Variants in EFCAB6 observed in about 807,000 individuals in gnomAD.
EFCAB6 encodes EF-hand calcium binding domain 6, also known as EF-hand calcium-binding domain-containing protein 6.
EFCAB6 carries 156 observed loss-of-function variants against 169.8 expected under a neutral mutation model. The observed-to-expected ratio is 0.92, with a 90% CI of 0.81 to 1.05. The LOEUF (loss-of-function observed/expected upper bound fraction) is 1.05. EFCAB6 is among the 50% of genes least tolerant of loss of function. The probability of loss-of-function intolerance (pLI) is 0.00; values close to 1 mark genes in which losing one functional copy is unlikely to be tolerated. For synonymous variants in EFCAB6, 698 were observed against 676.4 expected, an observed-to-expected ratio of 1.03 and a Z score of -0.50; for missense variants, 1,800 against 1,829.1, an observed-to-expected ratio of 0.98 and a Z score of 0.29.
chr22:43,621,459 C>A (rs1168038041), intron 20 of EFCAB6, among the ~76,000 whole-genome samples: 1 of 151,872 alleles, frequency 6.6e-6, no homozygotes, highest in Non-Finnish European at 1.5e-5. Flanking sequence ...ATCCATGGAT[C>A]CAAGAGGAAG....
intron 16 of EFCAB6, among the ~76,000 whole-genome samples, chr22:43,668,225 T>C (rs2057347444): frequency 2.0e-5 from 3 of 152,224 alleles, no homozygotes; most frequent in South Asian, 4.1e-4. Context: ...TATGACAAAG[T>C]GAAGTCTGCT....
At chr22:43,554,701 A>G (rs774979451) in intron 27 of EFCAB6, 168 bp downstream of exon 27, 2 of 635,682 alleles carry the variant, frequency 3.1e-6, no homozygotes, top group African/African-American at 1.8e-5. Flanking sequence ...TAGTTGTTAC[A>G]TAAACAGAAG....
intron 24 of EFCAB6, among the ~76,000 whole-genome samples, chr22:43,587,930 C>A (rs1020760405): frequency 6.6e-6 from 1 of 152,156 alleles, no homozygotes; most frequent in Non-Finnish European, 1.5e-5. Context: ...CATACCAAAT[C>A]TACAGGGATA....
chr22:43,600,470 G>A (rs62227018), intron 22 of EFCAB6, among the ~76,000 whole-genome samples: 30,842 of 151,970 alleles, frequency 0.2, 3,314 homozygotes, highest in Middle Eastern at 0.25. Flanking sequence ...GATCCGATCC[G>A]CATCCTCATG....
At chr22:43,703,827 GA>G (rs1363466266) in intron 10 of EFCAB6, among the ~76,000 whole-genome samples, 1 of 151,318 alleles carries the variant, frequency 6.6e-6, no homozygotes. Context: ...GGAACAAAAG[GA>G]AAAAAAGAAT....
Position 43,580,676 on chromosome 22 carries a change from G to A in EFCAB6, c.3033-17C>T. 1 of 1,612,224 alleles carries A rather than the reference G, an allele frequency of 6.2e-7. No individual in the cohort carries two copies. The highest frequency in any genetic ancestry group is 8.5e-7 in the Non-Finnish European group (1 of 1,179,340). On this transcript the variant is annotated splice_polypyrimidine_tract_variant and intron_variant, in intron 24 of 31. Coordinates refer to ENST00000262726, the MANE Select transcript of EFCAB6 (RefSeq NM_022785.4). ...ACTCCCCAACTTGTCCCAAAAGGAA[G>A]AAAAGAACATATTCATTTTAAAAAG... is the stretch of plus-strand genomic sequence containing the variant.
At chr22:43,590,955 G>A (rs1035696292) in intron 23 of EFCAB6, among the ~76,000 whole-genome samples, 1 of 152,020 alleles carries the variant, frequency 6.6e-6, no homozygotes, top group Non-Finnish European at 1.5e-5. Flanking sequence ...GCAAGGGAGT[G>A]CCAGAGACCC....
chr22:43,736,639 C>G (rs988855973), intron 6 of EFCAB6, among the ~76,000 whole-genome samples: 1 of 151,990 alleles, frequency 6.6e-6, no homozygotes, highest in Admixed American at 6.5e-5. Flanking sequence ...ATTGGGCTCA[C>G]AGACGCACAC....
At chr22:43,554,844 G>C (rs377744942) in intron 27 of EFCAB6, 25 bp downstream of exon 27, 582 of 1,603,690 alleles carry the variant, frequency 3.6e-4, no homozygotes, top group Non-Finnish European at 4.5e-4. Context: ...GGTGTGCAGG[G>C]TGAGGACTGA....
At chr22:43,579,367 T>TGC (rs2050521906) in intron 25 of EFCAB6, among the ~76,000 whole-genome samples, 4 of 105,068 alleles carry the variant, frequency 3.8e-5, no homozygotes, top group East Asian at 3.3e-4. Flanking sequence ...TCCCTACACA[T>TGC]AGGCATCATT....
intron 17 of EFCAB6, among the ~76,000 whole-genome samples, chr22:43,637,659 C>G (rs1455545851): frequency 6.6e-6 from 1 of 152,100 alleles, no homozygotes; most frequent in African/African-American, 2.4e-5. Context: ...ATCCCCAGGG[C>G]CTGCCTGTGG....
chr22:43,718,360 C>T (rs1427395386), intron 8 of EFCAB6, among the ~76,000 whole-genome samples: 1 of 152,094 alleles, frequency 6.6e-6, no homozygotes, highest in Admixed American at 6.6e-5. Flanking sequence ...AAATTAAGCA[C>T]ACTTAATTCA....
chr22:43,568,092 G>T (rs901036246), intron 26 of EFCAB6, among the ~76,000 whole-genome samples: 3 of 152,198 alleles, frequency 2.0e-5, no homozygotes, highest in Non-Finnish European at 4.4e-5. Flanking sequence ...CATGTTTTGA[G>T]ACGCCCACCC....
At chr22:43,706,511 T>G (rs2147326021) in intron 10 of EFCAB6, among the ~76,000 whole-genome samples, 1 of 152,328 alleles carries the variant, frequency 6.6e-6, no homozygotes, top group South Asian at 2.1e-4. Flanking sequence ...CTTCTTATTC[T>G]CCAATGAGTC....
At chr22:43,641,732 A>C (rs912460786) in intron 17 of EFCAB6, among the ~76,000 whole-genome samples, 3 of 152,178 alleles carry the variant, frequency 2.0e-5, no homozygotes, top group Non-Finnish European at 4.4e-5. Flanking sequence ...CCAGCTCCTC[A>C]ACGGGTGGTG....
chr22:43,601,671 G>T (rs1429521416), intron 22 of EFCAB6, among the ~76,000 whole-genome samples: 1 of 152,224 alleles, frequency 6.6e-6, no homozygotes, highest in Non-Finnish European at 1.5e-5. Flanking sequence ...TAAAGAAAAT[G>T]TTCTTATTGA....
At chr22:43,583,459 T>C (rs1213792946) in intron 24 of EFCAB6, among the ~76,000 whole-genome samples, 2 of 151,756 alleles carry the variant, frequency 1.3e-5, no homozygotes, top group African/African-American at 4.8e-5. Flanking sequence ...GCAGATATCA[T>C]AAAGAAAATA....
At chr22:43,594,264 A>G (rs2051806867) in intron 23 of EFCAB6, among the ~76,000 whole-genome samples, 1 of 138,396 alleles carries the variant, frequency 7.2e-6, no homozygotes, top group Non-Finnish European at 1.5e-5. Context: ...AACAAGAGTG[A>G]AACTCTGTTT....
At chr22:43,603,491 TTACTC>T (rs1180856735) in intron 22 of EFCAB6, among the ~76,000 whole-genome samples, 5 of 152,266 alleles carry the variant, frequency 3.3e-5, no homozygotes, top group Admixed American at 6.5e-5. Flanking sequence ...CACAATCAGA[TTACTC>T]TACCCATTTA....
Sources: allele counts gnomAD v4.1 joint callset (sites outside exome capture counted in the v4.1 genomes callset), GRCh38; gene constraint gnomAD v4.1.1; transcripts MANE v1.5; gene names NCBI Gene and HGNC (gene_info 2026-07-23, HGNC 2026-07-21).